The following SVOPL variants were observed in gnomAD, a reference collection of about 807,000 sequenced individuals.
SVOPL encodes putative transporter SVOPL.
A neutral mutation model predicts 61.0 loss-of-function variants in SVOPL; 60 were observed. That is an observed-to-expected ratio of 0.98 (90% CI 0.80 to 1.22). The LOEUF (loss-of-function observed/expected upper bound fraction) is 1.22. Ranked by LOEUF, SVOPL falls within the 50% of genes most tolerant of loss-of-function variation. The probability of loss-of-function intolerance (pLI) is 0.00; values close to 1 mark genes in which losing one functional copy is unlikely to be tolerated. For missense variants in SVOPL, 662 were observed against 643.9 expected (o/e 1.03, Z -0.30); for synonymous variants, 279 against 250.0 (o/e 1.12, Z -1.09).
At chr7:138,689,447 T>A in intron 1 of SVOPL, 1 of 1,146,644 alleles carries the variant, frequency 8.7e-7, no homozygotes, top group African/African-American at 1.5e-5. Flanking sequence ...AGGAACAGAT[T>A]GTTCCTAAAC....
chr7:138,598,584 CAAG>C (rs1213770568), intron 14 of SVOPL, among the ~76,000 whole-genome samples: 6 of 152,082 alleles, frequency 3.9e-5, no homozygotes, highest in Non-Finnish European at 5.9e-5. Flanking sequence ...AAAGGATCCT[CAAG>C]AGATTTAAAA....
At chr7:138,659,819 G>A (rs1584849126) in intron 6 of SVOPL, 45 bp downstream of exon 6, 2 of 1,534,090 alleles carry the variant, frequency 1.3e-6, no homozygotes, top group Non-Finnish European at 1.8e-6. Flanking sequence ...AGGGCCTGCA[G>A]GGGTACACGT....
rs574094684 is a variant in SVOPL, at chr7:138,600,816, C to T, written c.1354-4286G>A. ...TCACCTCACATGTCTATCACAAACA[C>T]GAGATAAGCTTTGGCGAGAATGTAG... is the stretch of plus-strand genomic sequence containing the variant. On this transcript the variant is annotated intron_variant, in intron 14 of 15. Transcript: ENST00000674285. 8.2e-4 allele frequency among the ~76,000 whole-genome samples: 125 copies of T among 152,040 alleles called. No homozygotes were observed. In the South Asian group the frequency reaches 8.9e-3, roughly 11 times the overall value.
At chr7:138,666,469 G>A (rs1000894509) in intron 4 of SVOPL, among the ~76,000 whole-genome samples, 3 of 152,140 alleles carry the variant, frequency 2.0e-5, no homozygotes, top group Admixed American at 1.3e-4. Context: ...ACTAAGACGG[G>A]CCCCAAGGTT....
intron 14 of SVOPL, among the ~76,000 whole-genome samples, chr7:138,610,639 C>A (rs542365065): frequency 6.6e-6 from 1 of 152,182 alleles, no homozygotes; most frequent in Non-Finnish European, 1.5e-5. Flanking sequence ...TCTCCTTGAC[C>A]GAACCCTAGC....
chr7:138,700,384 G>T (rs1803165583), intron 1 of SVOPL, among the ~76,000 whole-genome samples: 1 of 138,052 alleles, frequency 7.2e-6, no homozygotes, highest in African/African-American at 2.7e-5. Context: ...TGTTGCCCAG[G>T]CTGGAGTGCC....
chr7:138,674,160 C>T (rs1584861962), intron 3 of SVOPL, among the ~76,000 whole-genome samples: 1 of 151,542 alleles, frequency 6.6e-6, no homozygotes, highest in Non-Finnish European at 1.5e-5. Context: ...TGCACTCCAG[C>T]CTGAGCAACA....
intron 13 of SVOPL, chr7:138,625,259 G>A (rs1339053229): frequency 6.6e-6 from 1 of 152,018 alleles, no homozygotes; most frequent in Non-Finnish European, 1.5e-5. Context: ...TTTTCTCTGC[G>A]GGTTTAATGG....
chr7:138,653,932 C>A (rs78427191), intron 7 of SVOPL, among the ~76,000 whole-genome samples: 4 of 132,642 alleles, frequency 3.0e-5, no homozygotes, highest in Admixed American at 1.5e-4. Context: ...GACTCTGTCT[C>A]AAAAAAAAAA....
At chr7:138,643,129 T>A (rs989697469) in intron 9 of SVOPL, among the ~76,000 whole-genome samples, 1 of 151,902 alleles carries the variant, frequency 6.6e-6, no homozygotes, top group Non-Finnish European at 1.5e-5. Context: ...TCCAGAAGAA[T>A]TGAAAGTGAG....
chr7:138,693,529 A>AAAAGAAAGAAAGAAAGTAAG (rs1802990417), intron 1 of SVOPL, among the ~76,000 whole-genome samples: 1 of 117,086 alleles, frequency 8.5e-6, no homozygotes, highest in African/African-American at 3.3e-5. Flanking sequence ...AAAAGAAAGA[A>AAAAGAAAGAAAGAAAGTAAG]AAAGAAAGAA....
At chr7:138,691,005 C>A (rs191324123) in intron 1 of SVOPL, among the ~76,000 whole-genome samples, 10 of 152,164 alleles carry the variant, frequency 6.6e-5, no homozygotes, top group Non-Finnish European at 1.2e-4. Flanking sequence ...AAACTCCTAA[C>A]CTCAAAAGAT....
At chr7:138,670,495 C>G (rs918799872) in intron 4 of SVOPL, among the ~76,000 whole-genome samples, 1 of 152,096 alleles carries the variant, frequency 6.6e-6, no homozygotes, top group East Asian at 1.9e-4. Flanking sequence ...GACCCATGAC[C>G]CCTGACTCAA....
Position 138,609,489 on chromosome 7 carries a change from CAAAAAA to C in SVOPL, c.1353+11551_1353+11556del, listed in dbSNP as rs35516590. On this transcript the variant is annotated intron_variant, in intron 14 of 15. Coordinates refer to ENST00000674285, the MANE Select transcript of SVOPL (RefSeq NM_001139456.2). ...GCAACATGGCAAGACACCACCTCTA[CAAAAAA>C]AAAAAAAAAAAAAAATAGCAGGGTG... Among the ~76,000 whole-genome samples, 6 of 48,334 alleles carry C rather than the reference CAAAAAA, an allele frequency of 1.2e-4. No homozygotes were observed. The East Asian group carries it at 2.7e-3, about 21-fold the overall frequency. The allele number at this position is 48,334 out of a possible 152,430, so 31.7% of individuals were successfully genotyped here. A position where few individuals can be genotyped will look rare whatever the true frequency, so the allele number is the denominator to read the frequency against.
At chr7:138,604,243 C>T (rs929741290) in intron 14 of SVOPL, among the ~76,000 whole-genome samples, 4 of 152,052 alleles carry the variant, frequency 2.6e-5, no homozygotes, top group African/African-American at 9.7e-5. Context: ...AGAGTACAGG[C>T]GTAAGCCACC....
chr7:138,653,218 C>T (rs894114138), intron 7 of SVOPL, among the ~76,000 whole-genome samples: 4 of 152,174 alleles, frequency 2.6e-5, no homozygotes, highest in African/African-American at 9.7e-5. Context: ...CAAGGTGAAA[C>T]AGCAAGTGCT....
At chr7:138,660,069 C>T (rs919584114) in intron 5 of SVOPL, 81 bp from the exon 6 acceptor site, 23 of 1,520,884 alleles carry the variant, frequency 1.5e-5, no homozygotes, top group East Asian at 4.9e-5. Context: ...AGGCGATTTT[C>T]GGTTTCCATC....
intron 13 of SVOPL, among the ~76,000 whole-genome samples, chr7:138,623,284 C>A (rs1799749655): frequency 6.6e-6 from 1 of 152,058 alleles, no homozygotes; most frequent in South Asian, 2.1e-4. Flanking sequence ...TAGTTACACA[C>A]CTCTTTTAAA....
At chr7:138,595,317 A>AG (rs1447140874) in intron 15 of SVOPL, among the ~76,000 whole-genome samples, 1 of 151,794 alleles carries the variant, frequency 6.6e-6, no homozygotes, top group Non-Finnish European at 1.5e-5. Flanking sequence ...ACACTGAAGT[A>AG]GGGGGAGTGG....
Sources: gnomAD v4.1 joint callset for allele counts (sites outside exome capture counted in the v4.1 genomes callset) on GRCh38, gnomAD v4.1.1 for gene constraint, MANE v1.5 for transcripts, NCBI Gene and HGNC (gene_info 2026-07-23, HGNC 2026-07-21) for gene names.